CNTNAP5: variants seen among roughly 807,000 people sequenced by gnomAD.
CNTNAP5 encodes the protein contactin associated protein family member 5, also known as contactin-associated protein-like 5.
A neutral mutation model predicts 150.2 loss-of-function variants in CNTNAP5; 72 were observed. The ratio of observed to expected loss-of-function variants is 0.48; its 90% CI spans 0.40 to 0.58. CNTNAP5 has a LOEUF of 0.58. CNTNAP5 is among the 20% of genes least tolerant of loss of function. The pLI, the probability that CNTNAP5 is intolerant of heterozygous loss-of-function variation, is 0.00. For missense variants in CNTNAP5, 1,636 were observed against 1,626.2 expected (o/e 1.01, Z -0.10); for synonymous variants, 672 against 619.8 (o/e 1.08, Z -1.25).
At chr2:124,338,864 G>T (rs1007675964) in intron 3 of CNTNAP5, among the ~76,000 whole-genome samples, 2 of 152,014 alleles carry the variant, frequency 1.3e-5, no homozygotes, top group Non-Finnish European at 2.9e-5. Flanking sequence ...AAAACCAAAG[G>T]TTATGGTTGC....
chr2:124,916,983 C>A lies in CNTNAP5; in HGVS notation c.*2695C>A, dbSNP rs956561295. 2.0e-5 allele frequency among the ~76,000 whole-genome samples: 3 copies of A among 152,050 alleles called. No individual in the cohort carries two copies. Among genetic ancestry groups the A allele is most frequent in the Non-Finnish European group, 4.4e-5 (3 of 67,980 alleles). ...AATTTACAATTAGAAATCGTGCTAA[C>A]TCTGACTGTCTTTCCTCAGTGGTAC... On this transcript the variant is annotated 3_prime_UTR_variant, in exon 24 of 24. Transcript: ENST00000682447.
At chr2:124,913,520 C>G (rs1172049088) in intron 23 of CNTNAP5, among the ~76,000 whole-genome samples, 1 of 152,006 alleles carries the variant, frequency 6.6e-6, no homozygotes, top group Non-Finnish European at 1.5e-5. Flanking sequence ...ACTGAATGAG[C>G]CTTAGTTTAA....
At chr2:124,527,619 GA>G (rs971034524) in intron 10 of CNTNAP5, among the ~76,000 whole-genome samples, 163 bp downstream of exon 10, 33 of 152,194 alleles carry the variant, frequency 2.2e-4, no homozygotes, top group African/African-American at 6.7e-4. Context: ...CAGGCCCAGA[GA>G]AAAAATGGTT....
At chr2:124,383,311 C>T (rs114997285) in intron 3 of CNTNAP5, among the ~76,000 whole-genome samples, 7 of 152,264 alleles carry the variant, frequency 4.6e-5, no homozygotes, top group Non-Finnish European at 7.4e-5. Context: ...GACTTGCAGA[C>T]GGGAAAACCG....
chr2:124,703,866 CAG>C (rs1364962844), intron 13 of CNTNAP5, among the ~76,000 whole-genome samples: 5 of 152,116 alleles, frequency 3.3e-5, no homozygotes, highest in Non-Finnish European at 5.9e-5. Context: ...TCAGCCAAGT[CAG>C]TGAATGACAC....
intron 1 of CNTNAP5, among the ~76,000 whole-genome samples, chr2:124,154,370 A>G (rs962098603): frequency 6.6e-6 from 1 of 152,158 alleles, no homozygotes; most frequent in Non-Finnish European, 1.5e-5. Flanking sequence ...AAGAAAGGGC[A>G]TGGCAAAATG....
At position 124,153,327 on chromosome 2, in the gene CNTNAP5, C is replaced by T. The variant is rs34571916; in HGVS notation, c.83-68378C>T. On this transcript the variant is annotated intron_variant, in intron 1 of 23. Coordinates refer to ENST00000682447, the MANE Select transcript of CNTNAP5 (RefSeq NM_001367498.1). ...AAGAGGTCTAGAGTGTGGCCCCTGG[C>T]ATCCAACCTTGCTGGGTTCAGATGC... Among the ~76,000 whole-genome samples the T allele has an allele frequency of 3.0e-3, 461 of 152,244 alleles. 4 individuals are homozygous for T. Among genetic ancestry groups the T allele is most frequent in the Admixed American group, 0.014 (215 of 15,292 alleles).
intron 11 of CNTNAP5, among the ~76,000 whole-genome samples, chr2:124,595,872 T>G (rs1433469637): frequency 6.0e-5 from 8 of 132,298 alleles, no homozygotes; most frequent in Non-Finnish European, 9.6e-5. Context: ...CTTGGGAGAG[T>G]GTATGTGTCC....
intron 1 of CNTNAP5, among the ~76,000 whole-genome samples, chr2:124,150,797 C>T (rs898499710): frequency 6.6e-6 from 1 of 152,168 alleles, no homozygotes; most frequent in African/African-American, 2.4e-5. Context: ...CTTTACATAC[C>T]ATCACATTGG....
At chr2:124,525,401 A>T (rs1694940748) in intron 9 of CNTNAP5, among the ~76,000 whole-genome samples, 2 of 152,144 alleles carry the variant, frequency 1.3e-5, no homozygotes, top group Non-Finnish European at 2.9e-5. Context: ...ATGGCAGGGG[A>T]TGGGGAAACT....
At chr2:124,375,590 C>T (rs1221849807) in intron 3 of CNTNAP5, among the ~76,000 whole-genome samples, 1 of 152,044 alleles carries the variant, frequency 6.6e-6, no homozygotes, top group Admixed American at 6.6e-5. Flanking sequence ...TGAAAAGGGA[C>T]AGCAATGGAG....
chr2:124,847,582 A>G (rs1683075755), intron 19 of CNTNAP5, among the ~76,000 whole-genome samples: 1 of 152,112 alleles, frequency 6.6e-6, no homozygotes, highest in Non-Finnish European at 1.5e-5. Flanking sequence ...GGCTTTTGGT[A>G]TCTCAGGGAC....
intron 14 of CNTNAP5, among the ~76,000 whole-genome samples, chr2:124,751,818 G>A (rs1680733440): frequency 6.6e-6 from 1 of 152,162 alleles, no homozygotes; most frequent in Non-Finnish European, 1.5e-5. Flanking sequence ...AGATAGTATT[G>A]TCACTTAAAT....
chr2:124,865,249 T>A lies in CNTNAP5; in HGVS notation c.3218-57T>A, dbSNP rs1264866519. 3 of 1,395,112 alleles carry A rather than the reference T, an allele frequency of 2.2e-6. No homozygotes were observed. The East Asian group carries it at 7.5e-5, about 35-fold the overall frequency. The allele number at this position is 1,395,112 out of a possible 1,614,324, so 86.4% of individuals were successfully genotyped here. A position where few individuals can be genotyped will look rare whatever the true frequency, so the allele number is the denominator to read the frequency against. On this transcript the variant is annotated intron_variant, in intron 19 of 23. Transcript: ENST00000682447. ...TCAATTAAAAGATAATCTGATCATG[T>A]CTTTGCATTTTATAGGTGCTGCTTT...
At chr2:124,857,932 T>C (rs1558802706) in intron 19 of CNTNAP5, among the ~76,000 whole-genome samples, 1 of 152,160 alleles carries the variant, frequency 6.6e-6, no homozygotes, top group East Asian at 1.9e-4. Flanking sequence ...TCTCTGGACT[T>C]AATAAAAATA....
chr2:124,244,371 G>T (rs1055918772), intron 3 of CNTNAP5, among the ~76,000 whole-genome samples: 1 of 152,106 alleles, frequency 6.6e-6, no homozygotes, highest in African/African-American at 2.4e-5. Context: ...TAAGAGAACT[G>T]CAGAATTACT....
chr2:124,798,066 A>T lies in CNTNAP5; in HGVS notation c.2993-30A>T, dbSNP rs763306728. On this transcript the variant is annotated intron_variant, in intron 18 of 23. Coordinates refer to ENST00000682447, the MANE Select transcript of CNTNAP5 (RefSeq NM_001367498.1). ...TTGAACAATGGATCTAAAGGTTTCA[A>T]TGTGTGCTCTCCCCTCTTATATTTT... 11 of 1,527,156 alleles carry T rather than the reference A, an allele frequency of 7.2e-6. No individual in the cohort carries two copies. In the East Asian group the frequency reaches 9.3e-5, roughly 13 times the overall value. 94.6% of individuals were successfully genotyped at this position (1,527,156 alleles called of 1,614,324 possible).
chr2:124,530,780 G>A (rs1225481197), intron 10 of CNTNAP5, among the ~76,000 whole-genome samples: 1 of 152,058 alleles, frequency 6.6e-6, no homozygotes, highest in Admixed American at 6.6e-5. Flanking sequence ...AAACCTCTAG[G>A]ACACAGTGTG....
intron 3 of CNTNAP5, among the ~76,000 whole-genome samples, chr2:124,375,556 A>C (rs1020658333): frequency 1.3e-5 from 2 of 152,140 alleles, no homozygotes; most frequent in Non-Finnish European, 1.5e-5. Context: ...ATGCAATATG[A>C]GATTATGGAT....
Sources: gnomAD v4.1 joint callset for allele counts (sites outside exome capture counted in the v4.1 genomes callset) on GRCh38, gnomAD v4.1.1 for gene constraint, MANE v1.5 for transcripts, NCBI Gene and HGNC (gene_info 2026-07-23, HGNC 2026-07-21) for gene names.